The following SP4 variants were observed in gnomAD, a reference collection of about 807,000 sequenced individuals.
SP4 encodes Sp4 transcription factor, also known as transcription factor Sp4.
A neutral mutation model predicts 72.8 loss-of-function variants in SP4; 19 were observed. That is an observed-to-expected ratio of 0.26 (90% CI 0.18 to 0.38). The LOEUF (loss-of-function observed/expected upper bound fraction) is 0.38, where lower values mean the gene tolerates loss of function less well. SP4 is among the 10% of genes least tolerant of loss of function. The probability of loss-of-function intolerance (pLI) is 1.00; values close to 1 mark genes in which losing one functional copy is unlikely to be tolerated. For synonymous variants in SP4, 395 were observed against 333.1 expected (o/e 1.19, Z -2.02); for missense variants, 1,008 against 926.3 (o/e 1.09, Z -1.14).
At chr7:21,486,552 T>C (rs1178654706) in intron 5 of SP4, among the ~76,000 whole-genome samples, 2 of 152,178 alleles carry the variant, frequency 1.3e-5, no homozygotes, top group Non-Finnish European at 2.9e-5. Context: ...AGAATGTCTG[T>C]CACATTGGGT....
intron 3 of SP4, among the ~76,000 whole-genome samples, chr7:21,438,460 C>G (rs1338398961): frequency 6.6e-6 from 1 of 151,970 alleles, no homozygotes; most frequent in South Asian, 2.1e-4. Flanking sequence ...CACTGTAATT[C>G]ATAAATTAAT....
chr7:21,430,301 A>C lies in SP4; in HGVS notation c.1136A>C (p.Gln379Pro). Reference sequence around the variant, plus strand: ...GAAGCCCAGAGCTCCAGTCAGCTTCAGCCTAATGGAATGCAGAATGCACAG... The same window carrying C: ...GAAGCCCAGAGCTCCAGTCAGCTTCCGCCTAATGGAATGCAGAATGCACAG... ...ESEAQSSSQL[Q>P]PNGMQNAQDQ... The change falls in exon 3 of 6, where the codon CAG becomes CCG. Residue 379 changes from glutamine to proline, a missense_variant. By Grantham distance (76) the Gln-to-Pro change is moderately conservative. Coordinates refer to ENST00000222584, the MANE Select transcript of SP4 (RefSeq NM_003112.5). The C allele has an allele frequency of 6.2e-7, 1 of 1,614,242 alleles. No individual in the cohort carries two copies. Among genetic ancestry groups the C allele is most frequent in the Non-Finnish European group, 8.5e-7 (1 of 1,180,044 alleles).
At chr7:21,445,163 T>C (rs1376235261) in intron 3 of SP4, among the ~76,000 whole-genome samples, 1 of 152,132 alleles carries the variant, frequency 6.6e-6, no homozygotes, top group Non-Finnish European at 1.5e-5. Context: ...ATGTATTCTT[T>C]TTTCCCTTTC....
chr7:21,438,920 C>T (rs1783140227), intron 3 of SP4, among the ~76,000 whole-genome samples: 1 of 152,150 alleles, frequency 6.6e-6, no homozygotes, highest in Non-Finnish European at 1.5e-5. Flanking sequence ...AGTAGTAATG[C>T]TGGCAATTTG....
intron 5 of SP4, among the ~76,000 whole-genome samples, chr7:21,491,734 A>G (rs899322639): frequency 1.3e-5 from 2 of 152,222 alleles, no homozygotes; most frequent in Non-Finnish European, 2.9e-5. Flanking sequence ...GAGAAAGAAA[A>G]GAACTATCAA....
At chr7:21,486,443 T>C (rs1418135087) in intron 5 of SP4, among the ~76,000 whole-genome samples, 1 of 152,162 alleles carries the variant, frequency 6.6e-6, no homozygotes, top group African/African-American at 2.4e-5. Flanking sequence ...CTGCATTTGT[T>C]TGTCATGTTT....
At chr7:21,497,051 A>G (rs186715245) in intron 5 of SP4, among the ~76,000 whole-genome samples, 245 of 152,314 alleles carry the variant, frequency 1.6e-3, no homozygotes, top group African/African-American at 5.5e-3. Context: ...CCTTTTGGTT[A>G]GTCTATTGTT....
intron 3 of SP4, among the ~76,000 whole-genome samples, chr7:21,475,927 C>T (rs948029022): frequency 1.3e-5 from 2 of 152,180 alleles, no homozygotes; most frequent in Middle Eastern, 3.4e-3. Flanking sequence ...ACTTGTTATT[C>T]CCACACCTGA....
chr7:21,491,285 G>A (rs1292080558), intron 5 of SP4, among the ~76,000 whole-genome samples: 1 of 152,148 alleles, frequency 6.6e-6, no homozygotes, highest in Non-Finnish European at 1.5e-5. Flanking sequence ...AAGTTTATCA[G>A]ATGCTCAGTA....
chr7:21,450,698 T>G (rs1783563186), intron 3 of SP4, among the ~76,000 whole-genome samples: 1 of 152,208 alleles, frequency 6.6e-6, no homozygotes, highest in African/African-American at 2.4e-5. Flanking sequence ...GGAAGTTAAC[T>G]CTCTGCCCAG....
In SP4 at chr7:21,495,801, ATG is replaced by A. The variant is rs3060618; in HGVS notation, c.2107+13691_2107+13692del. Reference sequence around the variant, plus strand: ...CACACAAAAAAAGCTGTGAGTGTGCATGTGTGTGTGTGTGGCAGATTTATTTA... The same window carrying A: ...CACACAAAAAAAGCTGTGAGTGTGCATGTGTGTGTGTGGCAGATTTATTTA... On this transcript the variant is annotated intron_variant, in intron 5 of 5. Transcript: ENST00000222584. Among the ~76,000 whole-genome samples the A allele has an allele frequency of 1.1e-3, 162 of 151,754 alleles. 1 individual carries two copies. Among genetic ancestry groups the A allele is most frequent in the African/African-American group, 3.8e-3 (157 of 41,458 alleles).
In SP4 at chr7:21,446,891, TA is replaced by T. The variant is rs1330801692; in HGVS notation, c.1678+16050del. On this transcript the variant is annotated intron_variant, in intron 3 of 5. Coordinates refer to ENST00000222584, the MANE Select transcript of SP4 (RefSeq NM_003112.5). ...TTTGACAGATTCTTGAAGCCAAATCTAATATTGACTCTAACGCTATTCTCCA... is the reference window on the plus strand; with the variant it reads ...TTTGACAGATTCTTGAAGCCAAATCTATATTGACTCTAACGCTATTCTCCA... Among the ~76,000 whole-genome samples, 22 of 152,194 alleles carry T rather than the reference TA, an allele frequency of 1.4e-4. 1 individual carries two copies. The East Asian group carries it at 3.7e-3, about 25-fold the overall frequency.
chr7:21,428,176 T>TCCAACCCCCCCCCCCC lies in SP4; in HGVS notation c.-74_-73insAACCCCCCCCCCCCCC. On this transcript the variant is annotated 5_prime_UTR_variant, in exon 1 of 6. Coordinates refer to ENST00000222584, the MANE Select transcript of SP4 (RefSeq NM_003112.5). ...ACCGCGGGCGGGCGGGACCGGCCTC[T>TCCAACCCCCCCCCCCC]CCTCCCGCCTCGCCCCCACCCCCAC... 1.4e-6 allele frequency: 1 copy of TCCAACCCCCCCCCCCC among 718,776 alleles called. No individual in the cohort carries two copies. Among genetic ancestry groups the TCCAACCCCCCCCCCCC allele is most frequent in the Non-Finnish European group, 2.5e-6 (1 of 396,140 alleles). 44.5% of individuals were successfully genotyped at this position (718,776 alleles called of 1,614,324 possible). A position where few individuals can be genotyped will look rare whatever the true frequency, so the allele number is the denominator to read the frequency against.
At chr7:21,508,030 G>T (rs1406265164) in intron 5 of SP4, among the ~76,000 whole-genome samples, 1 of 151,850 alleles carries the variant, frequency 6.6e-6, no homozygotes, top group African/African-American at 2.4e-5. Context: ...TCTGCACGAG[G>T]TTGCCTGGTT....
At chr7:21,431,495 T>TCC (rs1486737352) in intron 3 of SP4, among the ~76,000 whole-genome samples, 1 of 152,196 alleles carries the variant, frequency 6.6e-6, no homozygotes, top group African/African-American at 2.4e-5. Context: ...AATTAAATCA[T>TCC]GGTCATTGTG....
chr7:21,472,262 G>A (rs982755591), intron 3 of SP4, among the ~76,000 whole-genome samples: 3 of 143,306 alleles, frequency 2.1e-5, no homozygotes, highest in Admixed American at 6.9e-5. Flanking sequence ...AGTAGAGGGT[G>A]TATTTTGTTT....
chr7:21,455,734 G>C (rs1476400601), intron 3 of SP4, among the ~76,000 whole-genome samples: 1 of 152,158 alleles, frequency 6.6e-6, no homozygotes, highest in African/African-American at 2.4e-5. Context: ...CTGTTAGCCT[G>C]GAACCAACCT....
intron 3 of SP4, among the ~76,000 whole-genome samples, chr7:21,438,087 A>G (rs59066976): frequency 0.21 from 31,311 of 151,610 alleles, 4,590 homozygotes; most frequent in East Asian, 0.63. Flanking sequence ...AAGACAGACT[A>G]GAGTTACACA....
At chr7:21,444,223 C>G (rs960104164) in intron 3 of SP4, among the ~76,000 whole-genome samples, 3 of 152,196 alleles carry the variant, frequency 2.0e-5, no homozygotes, top group African/African-American at 4.8e-5. Context: ...TAACATGGGA[C>G]TGAACTCCTG....
Sources: allele counts gnomAD v4.1 joint callset (sites outside exome capture counted in the v4.1 genomes callset), GRCh38; gene constraint gnomAD v4.1.1; transcripts MANE v1.5; gene names NCBI Gene and HGNC (gene_info 2026-07-23, HGNC 2026-07-21).